Variants in GPATCH8 observed in about 807,000 individuals in gnomAD.
GPATCH8 encodes the protein G-patch domain containing 8, also known as G patch domain-containing protein 8.
Under a neutral mutation model 118.3 loss-of-function variants are expected in GPATCH8, and 18 were observed. That is an observed-to-expected ratio of 0.15 (90% CI 0.11 to 0.23). The LOEUF (loss-of-function observed/expected upper bound fraction) is 0.23. Ranked by LOEUF, GPATCH8 falls within the 10% of genes least tolerant of loss-of-function variation. The pLI is 1.00. For synonymous variants in GPATCH8, 659 were observed against 684.7 expected (o/e 0.96, Z 0.59); for missense variants, 1,631 against 1,873.8 (o/e 0.87, Z 2.39).
intron 5 of GPATCH8, among the ~76,000 whole-genome samples, chr17:44,427,360 CTGTT>C (rs1471880068): frequency 1.3e-5 from 2 of 151,978 alleles, no homozygotes; most frequent in Non-Finnish European, 1.5e-5. Flanking sequence ...TCAAGAAACA[CTGTT>C]TGCACAACCA....
intron 7 of GPATCH8, 83 bp downstream of exon 7, chr17:44,405,838 T>A: frequency 9.2e-7 from 1 of 1,086,744 alleles, no homozygotes. Flanking sequence ...AATTTAAATC[T>A]TAAATTATAA....
chr17:44,438,382 A>C (rs2050584597), intron 3 of GPATCH8, among the ~76,000 whole-genome samples: 1 of 152,078 alleles, frequency 6.6e-6, no homozygotes, highest in African/African-American at 2.4e-5. Flanking sequence ...TTTATTTATA[A>C]ATTGCAGTAG....
rs77219479 is a variant in GPATCH8 at position 44,487,722 on chromosome 17, G to A, written c.46-12819C>T. ...CTGAAAAGTTATCACCAACCCCAGT[G>A]ACACCTAGTATTTTGTTTACTTTTA... On this transcript the variant is annotated intron_variant, in intron 1 of 7. Coordinates refer to ENST00000591680, the MANE Select transcript of GPATCH8 (RefSeq NM_001002909.4). 4.0e-3 allele frequency among the ~76,000 whole-genome samples: 615 copies of A among 152,228 alleles called. 10 individuals are homozygous for A. Among genetic ancestry groups the A allele is most frequent in the African/African-American group, 0.014 (565 of 41,532 alleles).
intron 1 of GPATCH8, among the ~76,000 whole-genome samples, chr17:44,497,379 C>G (rs559962417): frequency 6.6e-6 from 1 of 152,044 alleles, no homozygotes; most frequent in East Asian, 1.9e-4. Context: ...AGCTTGAGCT[C>G]AGGAGTTTGA....
At chr17:44,460,858 G>A (rs948795666) in intron 3 of GPATCH8, among the ~76,000 whole-genome samples, 1 of 152,160 alleles carries the variant, frequency 6.6e-6, no homozygotes, top group Non-Finnish European at 1.5e-5. Flanking sequence ...GCCTCAATAT[G>A]CAATAAATGT....
chr17:44,443,007 C>T (rs1034793002), intron 3 of GPATCH8, among the ~76,000 whole-genome samples: 3 of 152,110 alleles, frequency 2.0e-5, no homozygotes, highest in African/African-American at 7.2e-5. Flanking sequence ...ACCACTTGAG[C>T]CCAGGAGCTG....
intron 3 of GPATCH8, among the ~76,000 whole-genome samples, chr17:44,442,116 T>TAG (rs1379659600): frequency 2.1e-5 from 3 of 142,430 alleles, no homozygotes; most frequent in East Asian, 2.0e-4. Context: ...TACATATATA[T>TAG]ATATATAGAG....
intron 7 of GPATCH8, among the ~76,000 whole-genome samples, chr17:44,404,878 T>C (rs1043019515): frequency 6.6e-6 from 1 of 151,950 alleles, no homozygotes; most frequent in African/African-American, 2.4e-5. Flanking sequence ...GTTGATCTCA[T>C]AGAAGTAAAA....
chr17:44,400,890 T>C lies in GPATCH8; in HGVS notation c.1187A>G (p.Tyr396Cys), dbSNP rs1382518035. The change falls in exon 8 of 8, where the codon TAC becomes TGC. Residue 396 changes from tyrosine (Y) to cysteine (C), a missense_variant. By Grantham distance (194) the Tyr-to-Cys change is radical (BLOSUM62 -2). Coordinates refer to ENST00000591680, the MANE Select transcript of GPATCH8 (RefSeq NM_001002909.4). ...AGATEPEYYH[Y>C]IPPAHCKVKP... ...TACTTTGCAGTGTGCTGGGGGGATG[T>C]AGTGGTAATACTCAGGCTCTGTAGC... 2 of 1,613,946 alleles carry C rather than the reference T, an allele frequency of 1.2e-6. No homozygotes were observed. The highest frequency in any genetic ancestry group is 2.2e-5 in the East Asian group (1 of 44,884).
chr17:44,417,833 G>C (rs2049744008), intron 6 of GPATCH8, among the ~76,000 whole-genome samples: 1 of 152,200 alleles, frequency 6.6e-6, no homozygotes, highest in Non-Finnish European at 1.5e-5. Context: ...GATGGCAACT[G>C]TTCAGCTTTA....
intron 6 of GPATCH8, among the ~76,000 whole-genome samples, chr17:44,416,315 G>A (rs2049682199): frequency 1.0e-5 from 1 of 97,376 alleles, no homozygotes; most frequent in Non-Finnish European, 2.3e-5. Flanking sequence ...CTGGCCTTCA[G>A]CAGATTTTTT....
At chr17:44,459,653 A>G (rs1253662513) in intron 3 of GPATCH8, among the ~76,000 whole-genome samples, 1 of 152,042 alleles carries the variant, frequency 6.6e-6, no homozygotes, top group East Asian at 1.9e-4. Flanking sequence ...CACATACTTA[A>G]TTTAAGTATG....
At chr17:44,492,603 A>G (rs1392581939) in intron 1 of GPATCH8, among the ~76,000 whole-genome samples, 2 of 152,012 alleles carry the variant, frequency 1.3e-5, no homozygotes, top group African/African-American at 4.8e-5. Context: ...CAAAAAAAAA[A>G]GAGGGGGAGA....
At position 44,399,506 on chromosome 17, in the gene GPATCH8, G is replaced by T. The variant is rs767591539; in HGVS notation, c.2571C>A (p.Gly857=). Residue 857 remains glycine (G), a synonymous_variant, in exon 8 of 8, where the codon GGC becomes GGA. Transcript: ENST00000591680. ...AGGAACGATGCGAGGAATGGCGCCG[G>T]CCAGACCTTGAGCGGCTGCGGGAAT... ...SEHSRSRSRS[G]RRHSSHRSSR... 1 of 1,614,042 alleles carries T rather than the reference G, an allele frequency of 6.2e-7. No individual in the cohort carries two copies. Among genetic ancestry groups the T allele is most frequent in the Non-Finnish European group, 8.5e-7 (1 of 1,180,036 alleles).
At chr17:44,494,690 G>C (rs1186632763) in intron 1 of GPATCH8, among the ~76,000 whole-genome samples, 1 of 152,190 alleles carries the variant, frequency 6.6e-6, no homozygotes, top group Non-Finnish European at 1.5e-5. Context: ...CTGGTTAAGA[G>C]AGACTGGTTA....
intron 3 of GPATCH8, among the ~76,000 whole-genome samples, chr17:44,444,142 G>A (rs899955511): frequency 6.6e-6 from 1 of 151,976 alleles, no homozygotes; most frequent in East Asian, 1.9e-4. Context: ...TTTAGTGAAA[G>A]TGTTGTTAAA....
chr17:44,400,111 C>T lies in GPATCH8; in HGVS notation c.1966G>A (p.Glu656Lys). 1 of 1,613,996 alleles carries T rather than the reference C, an allele frequency of 6.2e-7. No homozygotes were observed. Among genetic ancestry groups the T allele is most frequent in the Middle Eastern group, 1.6e-4 (1 of 6,062 alleles). The change falls in exon 8 of 8, where the codon GAA becomes AAA. Residue 656 changes from glutamate (E) to lysine (K), a missense_variant. Glu to Lys is a moderately conservative substitution (Grantham distance 56). This residue lies in a region of GPATCH8 where 922 missense variants were observed against 879.7 expected (regional missense o/e 1.05). Coordinates refer to ENST00000591680, the MANE Select transcript of GPATCH8 (RefSeq NM_001002909.4). ...EPGGSHGSET[E>K]DTGRSLPSKK... The stretch of plus-strand genomic sequence containing the variant: ...CTGGGAAGGCTTCTCCCTGTGTCTT[C>T]TGTCTCAGACCCATGGCTACCCCCA...
rs1383058352 is a variant in GPATCH8 at position 44,398,040 on chromosome 17, G to A, written c.4037C>T (p.Ser1346Leu). 4 of 1,613,986 alleles carry A rather than the reference G, an allele frequency of 2.5e-6. No homozygotes were observed. Among genetic ancestry groups the A allele is most frequent in the African/African-American group, 1.3e-5 (1 of 75,048 alleles). ...LAKQVKAFPA[S>L]AALAPATPAL... ...TGGTGTGGCTGGGGCCAGGGCAGCT[G>A]AGGCTGGAAAGGCCTTTACTTGCTT... is the stretch of plus-strand genomic sequence containing the variant. The change falls in exon 8 of 8, where the codon TCA becomes TTA. Residue 1346 changes from serine (S) to leucine (L), a missense_variant. By Grantham distance (145) the Ser-to-Leu change is moderately radical. Coordinates refer to ENST00000591680, the MANE Select transcript of GPATCH8 (RefSeq NM_001002909.4).
rs188581683 is a variant in GPATCH8, at chr17:44,479,612, G to A, written c.46-4709C>T. Among the ~76,000 whole-genome samples, 551 of 152,278 alleles carry A rather than the reference G, an allele frequency of 3.6e-3. 1 individual carries two copies. The highest frequency in any genetic ancestry group is 4.6e-3 in the Non-Finnish European group (314 of 68,026). ...GAAAAAATACAAGAGAAAAATCTTTGTGACCACAGGCTAGGCAAATATTTT... is the reference window on the plus strand; with the variant it reads ...GAAAAAATACAAGAGAAAAATCTTTATGACCACAGGCTAGGCAAATATTTT... On this transcript the variant is annotated intron_variant, in intron 1 of 7. Transcript: ENST00000591680.
Sources: gnomAD v4.1 joint callset for allele counts (sites outside exome capture counted in the v4.1 genomes callset) on GRCh38, gnomAD v4.1.1 for gene constraint, gnomAD v4.1.1 regional missense constraint, MANE v1.5 for transcripts, NCBI Gene and HGNC (gene_info 2026-07-23, HGNC 2026-07-21) for gene names.